The following SQLE variants were observed in gnomAD, a reference collection of about 807,000 sequenced individuals.
SQLE encodes the protein squalene monooxygenase.
Under a neutral mutation model 60.7 loss-of-function variants are expected in SQLE, and 29 were observed. The observed-to-expected ratio is 0.48, with a 90% CI of 0.36 to 0.65. The LOEUF is 0.65. Ranked by LOEUF, SQLE falls within the 30% of genes least tolerant of loss-of-function variation. The pLI is 0.00. For missense variants in SQLE, 605 were observed against 684.1 expected (o/e 0.88, Z 1.29); for synonymous variants, 237 against 246.8 (o/e 0.96, Z 0.37).
chr8:125,010,962 A>G (rs1815031248), intron 6 of SQLE: 1 of 152,132 alleles, frequency 6.6e-6, no homozygotes. Context: ...TGGGAATTGT[A>G]TGACAGTTCA....
chr8:125,018,338 T>C, intron 8 of SQLE, 137 bp downstream of exon 8: 1 of 891,076 alleles, frequency 1.1e-6, no homozygotes, highest in Non-Finnish European at 1.7e-6. Context: ...TTGCTTAGGC[T>C]TAAAGAACCT....
intron 3 of SQLE, among the ~76,000 whole-genome samples, chr8:125,006,080 AG>A (rs148756058): frequency 3.3e-5 from 5 of 152,352 alleles, no homozygotes; most frequent in African/African-American, 1.2e-4. Flanking sequence ...CAAAACTGCA[AG>A]GAGAAATCCC....
At chr8:125,014,043 T>C (rs1249965241) in intron 7 of SQLE, among the ~76,000 whole-genome samples, 1 of 152,190 alleles carries the variant, frequency 6.6e-6, no homozygotes, top group Non-Finnish European at 1.5e-5. Context: ...TACTCTGACA[T>C]TTTTGTGGAG....
chr8:125,010,799 C>T (rs1447097693), intron 6 of SQLE: 13 of 150,286 alleles, frequency 8.7e-5, no homozygotes, highest in African/African-American at 2.9e-4. Context: ...TTTTCCAATC[C>T]AGAGGTTAAT....
In SQLE at chr8:124,998,745, G is replaced by C; in HGVS notation, c.-659G>C. On this transcript the variant is annotated 5_prime_UTR_variant, in exon 1 of 11. Transcript: ENST00000265896. ...GAGGCCTCTAAATCTTTAGGTTGGG[G>C]CTGCATTGCCCTGGAGCCGCACTCT... is the stretch of plus-strand genomic sequence containing the variant. 1 of 554,666 alleles carries C rather than the reference G, an allele frequency of 1.8e-6. No individual in the cohort carries two copies. Among genetic ancestry groups the C allele is most frequent in the Non-Finnish European group, 3.2e-6 (1 of 310,340 alleles). 34.4% of individuals were successfully genotyped at this position (554,666 alleles called of 1,614,324 possible). A position where few individuals can be genotyped will look rare whatever the true frequency, so the allele number is the denominator to read the frequency against.
Position 125,011,970 on chromosome 8 carries a change from C to T in SQLE, c.1204+338C>T, listed in dbSNP as rs554108515. Among the ~76,000 whole-genome samples, 18 of 151,538 alleles carry T rather than the reference C, an allele frequency of 1.2e-4. No homozygotes were observed. The South Asian group carries it at 3.8e-3, about 32-fold the overall frequency. On this transcript the variant is annotated intron_variant, in intron 7 of 10. Coordinates refer to ENST00000265896, the MANE Select transcript of SQLE (RefSeq NM_003129.4). ...GAAGTGTGCAGAGCAGGGAGGGAAGCTTGTGAAATGGGAGGGGTAGTTAGG... is the reference window on the plus strand; with the variant it reads ...GAAGTGTGCAGAGCAGGGAGGGAAGTTTGTGAAATGGGAGGGGTAGTTAGG...
intron 3 of SQLE, 37 bp downstream of exon 3, chr8:125,005,742 A>G: frequency 6.8e-7 from 1 of 1,462,676 alleles, no homozygotes. Context: ...TTACTAAAGA[A>G]TCAATGCATT....
At position 125,014,552 on chromosome 8, in the gene SQLE, C is replaced by CT. The variant is rs566451245; in HGVS notation, c.1204+2923dup. On this transcript the variant is annotated intron_variant, in intron 7 of 10. Coordinates refer to ENST00000265896, the MANE Select transcript of SQLE (RefSeq NM_003129.4). The stretch of plus-strand genomic sequence containing the variant: ...TGATGTAGGCACTTACTGCTAAAAA[C>CT]TTTCCCTTTAAGTATTGCTTTTGCT... Among the ~76,000 whole-genome samples, 19 of 152,284 alleles carry CT rather than the reference C, an allele frequency of 1.2e-4. No homozygotes were observed. The East Asian group carries it at 3.7e-3, about 29-fold the overall frequency.
chr8:124,999,514 G>C lies in SQLE; in HGVS notation c.111G>C (p.Ser37=). ...TGTTGTGCGTGCTGGTGTTCCTCTC[G>C]CTGGGCCTGGTGCTCTCCTACCGCT... ...EVLLCVLVFL[S]LGLVLSYRCR... Residue 37 remains serine (S), a synonymous_variant, in exon 1 of 11, where the codon TCG becomes TCC. Coordinates refer to ENST00000265896, the MANE Select transcript of SQLE (RefSeq NM_003129.4). The C allele has an allele frequency of 6.2e-7, 1 of 1,610,434 alleles. No individual in the cohort carries two copies. The highest frequency in any genetic ancestry group is 8.5e-7 in the Non-Finnish European group (1 of 1,178,060).
intron 3 of SQLE, among the ~76,000 whole-genome samples, chr8:125,006,126 A>G (rs953249454): frequency 1.3e-5 from 2 of 152,190 alleles, no homozygotes; most frequent in Admixed American, 1.3e-4. Context: ...GTCTGTTAGG[A>G]CTGGCTTCTT....
intron 3 of SQLE, among the ~76,000 whole-genome samples, chr8:125,006,852 A>C (rs746629316): frequency 1.1e-4 from 16 of 151,444 alleles, no homozygotes; most frequent in Non-Finnish European, 1.9e-4. Flanking sequence ...TTACAGGCAC[A>C]TGCCACCACG....
In SQLE at chr8:125,018,173, A is replaced by AC; in HGVS notation, c.1321dup (p.Leu441ProfsTer3). 1 of 1,607,512 alleles carries AC rather than the reference A, an allele frequency of 6.2e-7. No individual in the cohort carries two copies. The highest frequency in any genetic ancestry group is 2.2e-5 in the East Asian group (1 of 44,842). On this transcript the variant is annotated frameshift_variant, in exon 8 of 11. Coordinates refer to ENST00000265896, the MANE Select transcript of SQLE (RefSeq NM_003129.4). LOFTEE classifies it high-confidence loss of function. ...AGAAAACTGCTAAAGGGTATCCCTG[A>AC]CCTTTATGATGATGCAGCTATTTTC...
intron 7 of SQLE, among the ~76,000 whole-genome samples, chr8:125,012,741 G>C (rs989163492): frequency 7.2e-5 from 11 of 152,144 alleles, no homozygotes; most frequent in African/African-American, 2.7e-4. Flanking sequence ...TTTTTGTGTG[G>C]ACATATATTT....
intron 9 of SQLE, among the ~76,000 whole-genome samples, chr8:125,020,125 AAAC>A (rs1486087784): frequency 6.6e-6 from 1 of 152,238 alleles, no homozygotes; most frequent in Non-Finnish European, 1.5e-5. Flanking sequence ...TCTACCAACA[AAAC>A]AACATTTTTT....
At chr8:125,007,310 A>G (rs1814968263) in intron 3 of SQLE, 81 bp from the exon 4 acceptor site, 1 of 1,049,994 alleles carries the variant, frequency 9.5e-7, no homozygotes, top group African/African-American at 1.6e-5. Flanking sequence ...TTATATGGAT[A>G]AACTGGAGAT....
intron 4 of SQLE, among the ~76,000 whole-genome samples, chr8:125,008,265 T>C (rs1463491748): frequency 6.6e-6 from 1 of 152,164 alleles, no homozygotes; most frequent in African/African-American, 2.4e-5. Context: ...AATTTTGTAT[T>C]TTTAATAGAG....
chr8:125,008,953 T>C lies in SQLE; in HGVS notation c.823-18T>C. ...TGTTTCTGACTACTAAACTGAGTAG[T>C]CTTCATTTCTGTTATAGGAACTCCA... is the stretch of plus-strand genomic sequence containing the variant. On this transcript the variant is annotated intron_variant, in intron 4 of 10. Coordinates refer to ENST00000265896, the MANE Select transcript of SQLE (RefSeq NM_003129.4). 1 of 1,518,172 alleles carries C rather than the reference T, an allele frequency of 6.6e-7. No individual in the cohort carries two copies. Among genetic ancestry groups the C allele is most frequent in the Non-Finnish European group, 8.8e-7 (1 of 1,133,986 alleles). The allele number at this position is 1,518,172 out of a possible 1,614,324, so 94.0% of individuals were successfully genotyped here.
chr8:125,022,098 G>T lies in SQLE; in HGVS notation c.*153G>T. 4.3e-6 allele frequency: 2 copies of T among 461,126 alleles called. No homozygotes were observed. The highest frequency in any genetic ancestry group is 7.1e-6 in the Non-Finnish European group (2 of 281,982). The allele number at this position is 461,126 out of a possible 1,614,324, so 28.6% of individuals were successfully genotyped here. A position where few individuals can be genotyped will look rare whatever the true frequency, so the allele number is the denominator to read the frequency against. ...GATTAATTTGTTTTTGAAGTTTTTT[G>T]TATATAAATATGTAAATACATGCTT... On this transcript the variant is annotated 3_prime_UTR_variant, in exon 11 of 11. Coordinates refer to ENST00000265896, the MANE Select transcript of SQLE (RefSeq NM_003129.4).
At chr8:125,014,654 T>A (rs905777351) in intron 7 of SQLE, among the ~76,000 whole-genome samples, 4 of 152,246 alleles carry the variant, frequency 2.6e-5, no homozygotes, top group Admixed American at 2.0e-4. Context: ...TCTTAATTTC[T>A]TCATTGACCC....
Sources: gnomAD v4.1 joint callset for allele counts (sites outside exome capture counted in the v4.1 genomes callset) on GRCh38, gnomAD v4.1.1 for gene constraint, MANE v1.5 for transcripts, NCBI Gene and HGNC (gene_info 2026-07-23, HGNC 2026-07-21) for gene names.